Variants in FOXO3 observed in about 807,000 individuals in gnomAD.
The protein encoded by FOXO3 is forkhead box protein O3.
FOXO3 carries 4 observed loss-of-function variants against 41.9 expected under a neutral mutation model. The ratio of observed to expected loss-of-function variants is 0.10; its 90% confidence interval spans 0.05 to 0.22. The LOEUF (loss-of-function observed/expected upper bound fraction) is 0.22. FOXO3 is among the 10% of genes least tolerant of loss of function. FOXO3 has a pLI of 1.00. For synonymous variants in FOXO3, 318 were observed against 389.3 expected (o/e 0.82, Z 2.16); for missense variants, 534 against 906.8 (o/e 0.59, Z 5.28).
In FOXO3 at chr6:108,664,174, C is replaced by G; in HGVS notation, c.1341C>G (p.Pro447=). 1 of 1,613,816 alleles carries G rather than the reference C, an allele frequency of 6.2e-7. No individual in the cohort carries two copies. The highest frequency in any genetic ancestry group is 8.5e-7 in the Non-Finnish European group (1 of 1,179,880). ...PSSLNSLRQS[P]MQTIQENKPA... is the part of the protein sequence containing the mutation. ...CTCTGAACTCCCTACGCCAGTCTCC[C>G]ATGCAGACCATCCAAGAGAACAAGC... Residue 447 remains proline, a synonymous_variant, in exon 2 of 3, where the codon CCC becomes CCG. Coordinates refer to ENST00000406360, the MANE Select transcript of FOXO3 (RefSeq NM_001455.4).
In FOXO3 at chr6:108,680,253, C is replaced by T. The variant is rs1218815988; in HGVS notation, c.*461C>T. 2.0e-5 allele frequency: 3 copies of T among 152,548 alleles called. No homozygotes were observed. The highest frequency in any genetic ancestry group is 4.4e-5 in the Non-Finnish European group (3 of 68,022). The allele number at this position is 152,548 out of a possible 1,614,324, so 9.4% of individuals were successfully genotyped here. A position where few individuals can be genotyped will look rare whatever the true frequency, so the allele number is the denominator to read the frequency against. On this transcript the variant is annotated 3_prime_UTR_variant, in exon 3 of 3. Transcript: ENST00000406360. ...GGTATTTTTCTGTTAAAATGTTAAC[C>T]GTCCTTCCCCTAGCAAATTTAAAAA...
intron 1 of FOXO3, among the ~76,000 whole-genome samples, chr6:108,614,315 T>C (rs1777436337): frequency 2.0e-5 from 3 of 152,186 alleles, no homozygotes; most frequent in African/African-American, 4.8e-5. Context: ...TCTACTTCAA[T>C]TCTATTAGAT....
intron 1 of FOXO3, among the ~76,000 whole-genome samples, chr6:108,616,182 T>G (rs1469569677): frequency 9.4e-6 from 1 of 106,192 alleles, no homozygotes; most frequent in Non-Finnish European, 2.0e-5. Context: ...TTTTTTTTTT[T>G]GAGATAGAGT....
intron 1 of FOXO3, among the ~76,000 whole-genome samples, chr6:108,566,085 C>T (rs1354970215): frequency 6.6e-6 from 1 of 152,164 alleles, no homozygotes; most frequent in Non-Finnish European, 1.5e-5. Flanking sequence ...CCTCTTTCTA[C>T]AGCCCCAGTA....
intron 1 of FOXO3, among the ~76,000 whole-genome samples, chr6:108,595,114 T>C (rs1776841749): frequency 1.3e-5 from 2 of 152,160 alleles, no homozygotes; most frequent in African/African-American, 4.8e-5. Context: ...ACTTCTACTC[T>C]TTCTGCTCCC....
intron 1 of FOXO3, among the ~76,000 whole-genome samples, chr6:108,661,395 C>T (rs1778857671): frequency 1.3e-5 from 2 of 151,650 alleles, no homozygotes; most frequent in South Asian, 4.2e-4. Flanking sequence ...TCAGGAGTAT[C>T]TTTTGTCTTT....
At chr6:108,633,687 T>C (rs540138695) in intron 1 of FOXO3, among the ~76,000 whole-genome samples, 1 of 152,158 alleles carries the variant, frequency 6.6e-6, no homozygotes, top group South Asian at 2.1e-4. Flanking sequence ...TGAAGGAAGG[T>C]CACGTGTTTT....
chr6:108,679,033 G>A (rs367629449), intron 2 of FOXO3, among the ~76,000 whole-genome samples: 76 of 151,770 alleles, frequency 5.0e-4, no homozygotes, highest in African/African-American at 1.7e-3. Context: ...CACCGCGCCC[G>A]GCTAATTTTT....
At chr6:108,637,155 G>A (rs1778141748) in intron 1 of FOXO3, among the ~76,000 whole-genome samples, 1 of 152,162 alleles carries the variant, frequency 6.6e-6, no homozygotes, top group Non-Finnish European at 1.5e-5. Flanking sequence ...GGTATTGAGA[G>A]AACACATAGA....
intron 1 of FOXO3, among the ~76,000 whole-genome samples, chr6:108,572,646 T>C (rs1205998167): frequency 6.6e-6 from 1 of 151,996 alleles, no homozygotes; most frequent in African/African-American, 2.4e-5. Context: ...TGGGGAGGGG[T>C]GTCAGGGTTA....
chr6:108,591,789 A>G (rs1371154259), intron 1 of FOXO3, among the ~76,000 whole-genome samples: 1 of 152,142 alleles, frequency 6.6e-6, no homozygotes, highest in African/African-American at 2.4e-5. Flanking sequence ...ATGCAAAGTT[A>G]CTTATAAGTT....
chr6:108,678,275 G>A (rs1280525122), intron 2 of FOXO3, among the ~76,000 whole-genome samples: 3 of 152,180 alleles, frequency 2.0e-5, no homozygotes, highest in Non-Finnish European at 2.9e-5. Flanking sequence ...GATTTTGTGT[G>A]TGAGTTTTTT....
At chr6:108,584,627 A>T (rs1327898577) in intron 1 of FOXO3, among the ~76,000 whole-genome samples, 1 of 152,206 alleles carries the variant, frequency 6.6e-6, no homozygotes, top group Non-Finnish European at 1.5e-5. Context: ...GAAGGCACGT[A>T]ATGATGTGTG....
At chr6:108,639,132 C>G (rs1562253710) in intron 1 of FOXO3, among the ~76,000 whole-genome samples, 2 of 152,180 alleles carry the variant, frequency 1.3e-5, no homozygotes, top group Non-Finnish European at 2.9e-5. Context: ...CTGGAGACAC[C>G]TGGAGGCCTG....
At chr6:108,633,089 A>G (rs1438954891) in intron 1 of FOXO3, among the ~76,000 whole-genome samples, 1 of 152,196 alleles carries the variant, frequency 6.6e-6, no homozygotes, top group African/African-American at 2.4e-5. Context: ...TCAAAATACA[A>G]AAACTCTAAG....
intron 1 of FOXO3, among the ~76,000 whole-genome samples, chr6:108,579,410 G>A (rs941206540): frequency 9.2e-5 from 14 of 152,120 alleles, no homozygotes; most frequent in Non-Finnish European, 1.6e-4. Context: ...CTGCACTGAG[G>A]GACTTCTGTC....
intron 2 of FOXO3, among the ~76,000 whole-genome samples, chr6:108,668,969 G>A (rs1035930738): frequency 7.2e-5 from 11 of 152,026 alleles, no homozygotes; most frequent in Non-Finnish European, 1.5e-4. Flanking sequence ...AAAATTAGCC[G>A]GGCGTGGTGG....
chr6:108,564,694 T>A (rs1182067676), intron 1 of FOXO3, among the ~76,000 whole-genome samples: 1 of 152,218 alleles, frequency 6.6e-6, no homozygotes, highest in Non-Finnish European at 1.5e-5. Flanking sequence ...TGGTTGCATG[T>A]TTGAATTACC....
chr6:108,621,974 C>T (rs532043180), intron 1 of FOXO3, among the ~76,000 whole-genome samples: 8 of 152,012 alleles, frequency 5.3e-5, no homozygotes, highest in East Asian at 3.9e-4. Flanking sequence ...CAGGGGCAGC[C>T]GGGAGTGGTG....
Sources: allele counts gnomAD v4.1 joint callset (sites outside exome capture counted in the v4.1 genomes callset), GRCh38; gene constraint gnomAD v4.1.1; transcripts MANE v1.5; gene names NCBI Gene and HGNC (gene_info 2026-07-23, HGNC 2026-07-21).